The following OR5AN1 variants were observed in gnomAD, a reference collection of about 807,000 sequenced individuals.
The protein encoded by OR5AN1 is olfactory receptor family 5 subfamily AN member 1.
For synonymous variants in OR5AN1, 167 were observed against 131.8 expected (o/e 1.27, Z -1.83); for missense variants, 476 against 368.9 (o/e 1.29, Z -2.38).
At position 59,364,188 on chromosome 11, in the gene OR5AN1, A is replaced by AT. The variant is rs140425515; in HGVS notation, c.-13-252dup. Among the ~76,000 whole-genome samples the AT allele has an allele frequency of 2.1e-3, 314 of 152,332 alleles. 2 individuals carry two copies. Among genetic ancestry groups the AT allele is most frequent in the African/African-American group, 7.0e-3 (290 of 41,574 alleles). ...AATACTCTCAGCATTTCTATAGCAT[A>AT]TTTTTTAAAAATTACCAGTCAACTT... On this transcript the variant is annotated intron_variant, in intron 1 of 1. Coordinates refer to ENST00000641998, the MANE Select transcript of OR5AN1 (RefSeq NM_001004729.2).
Position 59,365,519 on chromosome 11 carries a change from G to A in OR5AN1, c.*125G>A. 1.6e-6 allele frequency: 1 copy of A among 626,928 alleles called. No individual in the cohort carries two copies. Among genetic ancestry groups the A allele is most frequent in the East Asian group, 2.8e-5 (1 of 36,142 alleles). The allele number at this position is 626,928 out of a possible 1,614,324, so 38.8% of individuals were successfully genotyped here. A position where few individuals can be genotyped will look rare whatever the true frequency, so the allele number is the denominator to read the frequency against. On this transcript the variant is annotated 3_prime_UTR_variant, in exon 2 of 2. Coordinates refer to ENST00000641998, the MANE Select transcript of OR5AN1 (RefSeq NM_001004729.2). ...TACTGCCTTTGGACAAAGAAGGCTT[G>A]ATTTGATGCACAAAATATGCCAATA...
chr11:59,371,458 C>T lies in OR5AN1; in HGVS notation c.*6064C>T, dbSNP rs1857593399. On this transcript the variant is annotated 3_prime_UTR_variant, in exon 2 of 2. Transcript: ENST00000641998. ...TTTGTTACCACCAAAGCTGAAAGCA[C>T]AATTTGTGCAGAAGGAGTTACGGTA... 1 of 152,172 alleles carries T rather than the reference C, an allele frequency of 6.6e-6. No homozygotes were observed. The allele number at this position is 152,172 out of a possible 1,614,324, so 9.4% of individuals were successfully genotyped here. A position where few individuals can be genotyped will look rare whatever the true frequency, so the allele number is the denominator to read the frequency against.
chr11:59,359,360 G>A (rs938745912), intron 1 of OR5AN1, 88 bp downstream of exon 1: 2 of 152,168 alleles, frequency 1.3e-5, no homozygotes, highest in African/African-American at 4.8e-5. Context: ...CCTGTAAAAT[G>A]GGGATGTTGG....
chr11:59,359,502 C>T (rs1365363608), intron 1 of OR5AN1: 1 of 152,144 alleles, frequency 6.6e-6, no homozygotes, highest in Non-Finnish European at 1.5e-5. Flanking sequence ...TTCTCCACCC[C>T]AAGGACCCTT....
rs1219284212 is a variant in OR5AN1, at chr11:59,369,567, T to G, written c.*4173T>G. The G allele has an allele frequency of 1.3e-5, 2 of 148,622 alleles. No homozygotes were observed. The highest frequency in any genetic ancestry group is 3.9e-4 in the East Asian group (2 of 5,086). 9.2% of individuals were successfully genotyped at this position (148,622 alleles called of 1,614,324 possible). A position where few individuals can be genotyped will look rare whatever the true frequency, so the allele number is the denominator to read the frequency against. ...CTGAAATAAGACAGTCAGACACAAA[T>G]AAAGAAAAAAAAAGAAATAAACAAA... On this transcript the variant is annotated 3_prime_UTR_variant, in exon 2 of 2. Coordinates refer to ENST00000641998, the MANE Select transcript of OR5AN1 (RefSeq NM_001004729.2).
In OR5AN1 at chr11:59,366,381, G is replaced by A. The variant is rs951027867; in HGVS notation, c.*987G>A. ...CTAACCTGCAGTCATGTTCAGAGAA[G>A]TCATGCATTTAAGCCTACTCTACAT... is the stretch of plus-strand genomic sequence containing the variant. On this transcript the variant is annotated 3_prime_UTR_variant, in exon 2 of 2. Transcript: ENST00000641998. The A allele has an allele frequency of 3.9e-5, 6 of 152,180 alleles. No individual in the cohort carries two copies. 9.4% of individuals were successfully genotyped at this position (152,180 alleles called of 1,614,324 possible). A position where few individuals can be genotyped will look rare whatever the true frequency, so the allele number is the denominator to read the frequency against.
At position 59,367,190 on chromosome 11, in the gene OR5AN1, C is replaced by A. The variant is rs1857544584; in HGVS notation, c.*1796C>A. 6.6e-6 allele frequency: 1 copy of A among 152,244 alleles called. No homozygotes were observed. Among genetic ancestry groups the A allele is most frequent in the African/African-American group, 2.4e-5 (1 of 41,542 alleles). The allele number at this position is 152,244 out of a possible 1,614,324, so 9.4% of individuals were successfully genotyped here. ...TGGAGGAGTGGGCAAGATGGCTGAC[C>A]AGAAGCAGCTAGTGTGTGTGGCTGT... is the stretch of plus-strand genomic sequence containing the variant. On this transcript the variant is annotated 3_prime_UTR_variant, in exon 2 of 2. Coordinates refer to ENST00000641998, the MANE Select transcript of OR5AN1 (RefSeq NM_001004729.2).
At position 59,365,297 on chromosome 11, in the gene OR5AN1, C is replaced by G. The variant is rs763593259; in HGVS notation, c.839C>G (p.Thr280Ser). 6.2e-7 allele frequency: 1 copy of G among 1,612,600 alleles called. No homozygotes were observed. The change falls in exon 2 of 2, where the codon ACT becomes AGT. Residue 280 changes from threonine (T) to serine (S), a missense_variant. Transcript: ENST00000641998. ...GACAGATTTGCATCTGTTTTCTACACTGTGGTCATTCCCATGTTAAATCCC... is the reference window on the plus strand; with the variant it reads ...GACAGATTTGCATCTGTTTTCTACAGTGTGGTCATTCCCATGTTAAATCCC... ...SFDRFASVFY[T>S]VVIPMLNPLI...
In OR5AN1 at chr11:59,370,975, GTTATCTTGTAGGC is replaced by G. The variant is rs1192392510; in HGVS notation, c.*5584_*5596del. The G allele has an allele frequency of 1.3e-5, 2 of 152,192 alleles. No homozygotes were observed. Among genetic ancestry groups the G allele is most frequent in the Non-Finnish European group, 2.9e-5 (2 of 68,028 alleles). The allele number at this position is 152,192 out of a possible 1,614,324, so 9.4% of individuals were successfully genotyped here. ...ATAACCTCTGTGATAGCTCTAGGCT[GTTATCTTGTAGGC>G]TTTTTCTTTTCACATGTCCATGTGT... On this transcript the variant is annotated 3_prime_UTR_variant, in exon 2 of 2. Transcript: ENST00000641998.
At position 59,364,631 on chromosome 11, in the gene OR5AN1, C is replaced by T; in HGVS notation, c.173C>T (p.Thr58Ile). 1.2e-6 allele frequency: 2 copies of T among 1,614,090 alleles called. No homozygotes were observed. Among genetic ancestry groups the T allele is most frequent in the African/African-American group, 1.3e-5 (1 of 75,038 alleles). Residue 58 changes from threonine to isoleucine, a missense_variant, in exon 2 of 2, where the codon ACA (threonine) becomes ATA (isoleucine). By Grantham distance (89) the Thr-to-Ile change is moderately conservative. Coordinates refer to ENST00000641998, the MANE Select transcript of OR5AN1 (RefSeq NM_001004729.2). ...VLIRMDSHLHTPMYFFLSNLS... is the reference protein window; with the variant it reads ...VLIRMDSHLHIPMYFFLSNLS... ...ATAAGGATGGATTCCCACCTCCATACACCCATGTATTTCTTCCTCAGTAAC... is the reference window on the plus strand; with the variant it reads ...ATAAGGATGGATTCCCACCTCCATATACCCATGTATTTCTTCCTCAGTAAC...
At position 59,365,244 on chromosome 11, in the gene OR5AN1, T is replaced by A. The variant is rs1432621440; in HGVS notation, c.786T>A (p.Ser262Arg). ...CATCAGGAATCTTTGTCTATTTGAG[T>A]TCCAGCTCTGGAGGTTCTTCAAGCT... is the stretch of plus-strand genomic sequence containing the variant. ...FYTSGIFVYL[S>R]SSSGGSSSFD... Residue 262 changes from serine to arginine, a missense_variant, in exon 2 of 2, where the codon AGT (serine) becomes AGA (arginine). Coordinates refer to ENST00000641998, the MANE Select transcript of OR5AN1 (RefSeq NM_001004729.2). 6.2e-7 allele frequency: 1 copy of A among 1,614,112 alleles called. No individual in the cohort carries two copies. The highest frequency in any genetic ancestry group is 1.3e-5 in the African/African-American group (1 of 75,050).
chr11:59,370,981 T>G lies in OR5AN1; in HGVS notation c.*5587T>G, dbSNP rs1261788937. The G allele has an allele frequency of 1.3e-5, 2 of 152,242 alleles. No individual in the cohort carries two copies. Among genetic ancestry groups the G allele is most frequent in the East Asian group, 3.8e-4 (2 of 5,202 alleles). 9.4% of individuals were successfully genotyped at this position (152,242 alleles called of 1,614,324 possible). ...TCTGTGATAGCTCTAGGCTGTTATC[T>G]TGTAGGCTTTTTCTTTTCACATGTC... is the stretch of plus-strand genomic sequence containing the variant. On this transcript the variant is annotated 3_prime_UTR_variant, in exon 2 of 2. Transcript: ENST00000641998.
intron 1 of OR5AN1, among the ~76,000 whole-genome samples, chr11:59,362,812 C>T (rs1857478603): frequency 6.6e-6 from 1 of 152,052 alleles, no homozygotes; most frequent in Non-Finnish European, 1.5e-5. Flanking sequence ...ATTGAATCTA[C>T]CAAAAAATAA....
chr11:59,364,242 C>T (rs116894890), intron 1 of OR5AN1, among the ~76,000 whole-genome samples: 1 of 152,114 alleles, frequency 6.6e-6, no homozygotes, highest in African/African-American at 2.4e-5. Context: ...TCTCATGATA[C>T]TCCATGAATT....
At chr11:59,362,675 T>C (rs1857477147) in intron 1 of OR5AN1, among the ~76,000 whole-genome samples, 1 of 152,218 alleles carries the variant, frequency 6.6e-6, no homozygotes. Flanking sequence ...TGCTCTTTGA[T>C]CTCAAGAAAG....
chr11:59,368,947 C>G lies in OR5AN1; in HGVS notation c.*3553C>G, dbSNP rs537323816. ...AACAGAACAAGAGTCTTCCAGCTGTCCTGTAAGCCTAGGTATCACCTACTG... is the reference window on the plus strand; with the variant it reads ...AACAGAACAAGAGTCTTCCAGCTGTGCTGTAAGCCTAGGTATCACCTACTG... On this transcript the variant is annotated 3_prime_UTR_variant, in exon 2 of 2. Coordinates refer to ENST00000641998, the MANE Select transcript of OR5AN1 (RefSeq NM_001004729.2). 6.6e-6 allele frequency: 1 copy of G among 152,210 alleles called. No homozygotes were observed. The highest frequency in any genetic ancestry group is 2.4e-5 in the African/African-American group (1 of 41,444). The allele number at this position is 152,210 out of a possible 1,614,324, so 9.4% of individuals were successfully genotyped here.
intron 1 of OR5AN1, among the ~76,000 whole-genome samples, chr11:59,361,596 T>A (rs1426446672): frequency 6.6e-6 from 1 of 152,208 alleles, no homozygotes; most frequent in Non-Finnish European, 1.5e-5. Flanking sequence ...CTTATTGTTT[T>A]AAGCCCTTTA....
At chr11:59,360,730 T>C (rs947390531) in intron 1 of OR5AN1, among the ~76,000 whole-genome samples, 5 of 152,176 alleles carry the variant, frequency 3.3e-5, no homozygotes, top group Non-Finnish European at 7.3e-5. Flanking sequence ...TGACTCTGCA[T>C]TCGTTTGCTG....
Position 59,364,972 on chromosome 11 carries a change from T to C in OR5AN1, c.514T>C (p.Ser172Pro), listed in dbSNP as rs762633727. 3 of 1,614,178 alleles carry C rather than the reference T, an allele frequency of 1.9e-6. No individual in the cohort carries two copies. In the South Asian group the frequency reaches 3.3e-5, roughly 18 times the overall value. ...TTTGCTTCAACTCCACTTCTGTGGG[T>C]CTAATGTCATCAGACATTTCTTCTG... Reference protein sequence around the residue: ...GALLQLHFCGSNVIRHFFCDM... With the variant: ...GALLQLHFCGPNVIRHFFCDM... Residue 172 changes from serine (S) to proline (P), a missense_variant, in exon 2 of 2, where the codon TCT becomes CCT. Transcript: ENST00000641998.
Sources: gnomAD v4.1 joint callset for allele counts (sites outside exome capture counted in the v4.1 genomes callset) on GRCh38, gnomAD v4.1.1 for gene constraint, MANE v1.5 for transcripts, NCBI Gene and HGNC (gene_info 2026-07-23, HGNC 2026-07-21) for gene names.